The following CDC42SE2 variants were observed in gnomAD, a reference collection of about 807,000 sequenced individuals.
CDC42SE2 encodes CDC42 small effector protein 2.
In CDC42SE2, 3 loss-of-function variants were observed where a neutral mutation model predicts 11.5. The ratio of observed to expected loss-of-function variants is 0.26; its 90% confidence interval spans 0.12 to 0.67. The LOEUF is 0.67. CDC42SE2 is among the 30% of genes least tolerant of loss of function. The probability of loss-of-function intolerance (pLI) is 0.80; values close to 1 mark genes in which losing one functional copy is unlikely to be tolerated. For synonymous variants in CDC42SE2, 33 were observed against 34.8 expected (o/e 0.95, Z 0.18); for missense variants, 82 against 106.8 (o/e 0.77, Z 1.02).
intron 1 of CDC42SE2, among the ~76,000 whole-genome samples, chr5:131,307,015 G>T (rs1757792417): frequency 6.6e-6 from 1 of 151,826 alleles, no homozygotes; most frequent in Non-Finnish European, 1.5e-5. Context: ...CTACACATAA[G>T]ATCATGTCAT....
In CDC42SE2 at chr5:131,340,374, C is replaced by T. The variant is rs186496408; in HGVS notation, c.-285-18835C>T. 1.6e-3 allele frequency among the ~76,000 whole-genome samples: 250 copies of T among 152,156 alleles called. 1 individual carries two copies. Among genetic ancestry groups the T allele is most frequent in the African/African-American group, 5.4e-3 (225 of 41,512 alleles). ...TGTATCTACTCTATATGCTACCCGT[C>T]GGTTAATGTGTAGGCAGAAACATAA... On this transcript the variant is annotated intron_variant, in intron 2 of 4. Transcript: ENST00000505065.
At chr5:131,334,042 A>T (rs761792188) in intron 2 of CDC42SE2, among the ~76,000 whole-genome samples, 9 of 152,088 alleles carry the variant, frequency 5.9e-5, no homozygotes, top group Non-Finnish European at 1.3e-4. Context: ...GTCTTGTGCC[A>T]GTTTTCAAAG....
At chr5:131,299,302 T>TTACTAA (rs1397219054) in intron 1 of CDC42SE2, among the ~76,000 whole-genome samples, 1 of 151,856 alleles carries the variant, frequency 6.6e-6, no homozygotes, top group Non-Finnish European at 1.5e-5. Flanking sequence ...GGACTAAGAG[T>TTACTAA]GGTTACCAGG....
intron 1 of CDC42SE2, among the ~76,000 whole-genome samples, chr5:131,269,903 A>G (rs956714240): frequency 3.3e-5 from 5 of 150,364 alleles, no homozygotes; most frequent in African/African-American, 9.8e-5. Flanking sequence ...TCTACTAAAA[A>G]TACAAGAGTT....
At chr5:131,236,357 T>G in the CDC42SE2 span, among the ~76,000 whole-genome samples, 1 of 152,222 alleles carries the variant, frequency 6.6e-6, no homozygotes, top group African/African-American at 2.4e-5. Flanking sequence ...TTTTTACATT[T>G]AAATCTTCGA....
intron 1 of CDC42SE2, among the ~76,000 whole-genome samples, chr5:131,311,332 C>T (rs1394189272): frequency 1.3e-5 from 2 of 152,016 alleles, no homozygotes; most frequent in Non-Finnish European, 2.9e-5. Context: ...TGATGGGCTT[C>T]CCTTTGTGGG....
chr5:131,310,627 G>A (rs1312701034), intron 1 of CDC42SE2, among the ~76,000 whole-genome samples: 116 of 151,770 alleles, frequency 7.6e-4, no homozygotes, highest in African/African-American at 2.6e-3. Context: ...GAATCTGGGT[G>A]CTCCTGTATT....
Position 131,337,164 on chromosome 5 carries a change from G to T in CDC42SE2, c.-286+21020G>T, listed in dbSNP as rs1458180431. ...GGTTTTTGGTGTGGATGTCCTTTCT[G>T]TTTGTTAGTTTTCCTTCTAACAGTC... On this transcript the variant is annotated intron_variant, in intron 2 of 4. Coordinates refer to ENST00000505065, the MANE Select transcript of CDC42SE2 (RefSeq NM_001375635.1). Among the ~76,000 whole-genome samples the T allele has an allele frequency of 2.0e-5, 3 of 152,178 alleles. No homozygotes were observed. The South Asian group carries it at 6.2e-4, about 32-fold the overall frequency.
At chr5:131,335,114 A>T (rs1208313793) in intron 2 of CDC42SE2, among the ~76,000 whole-genome samples, 1 of 152,046 alleles carries the variant, frequency 6.6e-6, no homozygotes, top group Non-Finnish European at 1.5e-5. Context: ...AGTGCTATAA[A>T]TTTCCCTCTA....
At chr5:131,239,012 T>G in the CDC42SE2 span, among the ~76,000 whole-genome samples, 8 of 151,590 alleles carry the variant, frequency 5.3e-5, no homozygotes, top group Admixed American at 5.3e-4. Context: ...AAAAATTAGC[T>G]GGGCATGGTG....
intron 2 of CDC42SE2, among the ~76,000 whole-genome samples, chr5:131,349,646 ATC>A (rs1384082503): frequency 6.6e-6 from 1 of 152,202 alleles, no homozygotes; most frequent in East Asian, 1.9e-4. Context: ...TTTGAGCATG[ATC>A]CAAAGTAGGC....
intron 1 of CDC42SE2, among the ~76,000 whole-genome samples, chr5:131,287,548 A>G (rs1199177335): frequency 1.3e-5 from 2 of 149,406 alleles, no homozygotes; most frequent in Non-Finnish European, 3.0e-5. Context: ...CTGCAGCCTC[A>G]ACTTCCTGCG....
Position 131,393,278 on chromosome 5 carries a change from CATTAGGTTTATGTAGGTAAA to C in CDC42SE2, c.*2190_*2209del, listed in dbSNP as rs1455632854. On this transcript the variant is annotated 3_prime_UTR_variant, in exon 5 of 5. Coordinates refer to ENST00000505065, the MANE Select transcript of CDC42SE2 (RefSeq NM_001375635.1). ...CTTGCAAAACAGGCAACTGAACAAA[CATTAGGTTTATGTAGGTAAA>C]ATGTGAAAGCATTTCTCCTCCACTT... 6.6e-6 allele frequency: 1 copy of C among 152,304 alleles called. No individual in the cohort carries two copies. Among genetic ancestry groups the C allele is most frequent in the Non-Finnish European group, 1.5e-5 (1 of 68,036 alleles). 9.4% of individuals were successfully genotyped at this position (152,304 alleles called of 1,614,324 possible).
intron 2 of CDC42SE2, among the ~76,000 whole-genome samples, chr5:131,355,614 T>C (rs1749517747): frequency 6.6e-6 from 1 of 152,210 alleles, no homozygotes. Context: ...CACAGATCTT[T>C]TATTTCAAAG....
intron 3 of CDC42SE2, among the ~76,000 whole-genome samples, chr5:131,361,397 A>G (rs1231288286): frequency 6.6e-6 from 1 of 152,142 alleles, no homozygotes; most frequent in Non-Finnish European, 1.5e-5. Flanking sequence ...TTGTCCCCCT[A>G]GAAGCCATGC....
intron 1 of CDC42SE2, among the ~76,000 whole-genome samples, chr5:131,299,090 C>T (rs748985958): frequency 6.6e-6 from 1 of 151,982 alleles, no homozygotes; most frequent in Non-Finnish European, 1.5e-5. Flanking sequence ...TTGGATGGCA[C>T]AGTCATGGGG....
At chr5:131,331,959 T>C (rs1758427350) in intron 2 of CDC42SE2, among the ~76,000 whole-genome samples, 1 of 152,164 alleles carries the variant, frequency 6.6e-6, no homozygotes, top group African/African-American at 2.4e-5. Context: ...ACCTTGAACA[T>C]TTATTTATTT....
At chr5:131,381,004 T>C (rs1200049530) in intron 3 of CDC42SE2, among the ~76,000 whole-genome samples, 3 of 152,202 alleles carry the variant, frequency 2.0e-5, no homozygotes, top group Non-Finnish European at 4.4e-5. Context: ...AATTGACCTC[T>C]CACCACCTTT....
At chr5:131,369,801 A>G (rs749349819) in intron 3 of CDC42SE2, among the ~76,000 whole-genome samples, 31 of 152,220 alleles carry the variant, frequency 2.0e-4, no homozygotes, top group Non-Finnish European at 2.8e-4. Context: ...TTCCATTTCT[A>G]TTACAGTGTA....
Sources: allele counts gnomAD v4.1 joint callset (sites outside exome capture counted in the v4.1 genomes callset), GRCh38; gene constraint gnomAD v4.1.1; transcripts MANE v1.5; gene names NCBI Gene and HGNC (gene_info 2026-07-23, HGNC 2026-07-21).